The following TLK2 variants were observed in gnomAD, a reference collection of about 807,000 sequenced individuals.
TLK2 encodes tousled like kinase 2.
In TLK2, 6 loss-of-function variants were observed where a neutral mutation model predicts 117.3. The observed-to-expected ratio is 0.05, with a 90% CI of 0.03 to 0.10. The LOEUF (loss-of-function observed/expected upper bound fraction) is 0.10, where lower values mean the gene tolerates loss of function less well. TLK2 is among the 10% of genes least tolerant of loss of function. The pLI is 1.00. For synonymous variants in TLK2, 257 were observed against 316.7 expected (o/e 0.81, Z 2.00); for missense variants, 299 against 901.2 (o/e 0.33, Z 8.56).
At chr17:62,533,728 C>T (rs963307937) in intron 6 of TLK2, among the ~76,000 whole-genome samples, 2 of 152,168 alleles carry the variant, frequency 1.3e-5, no homozygotes, top group East Asian at 1.9e-4. Context: ...TTGCCCATCG[C>T]GGCCTCCCAA....
intron 15 of TLK2, among the ~76,000 whole-genome samples, chr17:62,582,001 A>T (rs1227061565): frequency 6.6e-6 from 1 of 151,876 alleles, no homozygotes; most frequent in Non-Finnish European, 1.5e-5. Flanking sequence ...TAATCCCAGC[A>T]CTCTGGGAGC....
intron 2 of TLK2, among the ~76,000 whole-genome samples, chr17:62,483,224 G>A (rs1372663603): frequency 1.4e-5 from 2 of 143,840 alleles, no homozygotes; most frequent in African/African-American, 2.7e-5. Flanking sequence ...CAGTAAGTTT[G>A]TATTCAAATT....
At chr17:62,517,745 C>T (rs1175360713) in intron 2 of TLK2, among the ~76,000 whole-genome samples, 1 of 151,044 alleles carries the variant, frequency 6.6e-6, no homozygotes, top group Admixed American at 6.6e-5. Context: ...TTGCCCAGGC[C>T]GGAATACAGT....
At chr17:62,612,271 TA>T in intron 21 of TLK2, 120 bp from the exon 22 acceptor site, 1 of 1,099,652 alleles carries the variant, frequency 9.1e-7, no homozygotes. Flanking sequence ...AGGAAGGCCT[TA>T]AGCCCCTTCT....
At chr17:62,478,095 G>A (rs1451830269), upstream of TLK2, 4 of 151,952 alleles carry the variant, frequency 2.6e-5, no homozygotes, top group African/African-American at 7.2e-5. Context: ...CGTGGAGGGA[G>A]TGCAGCCCGC....
At chr17:62,584,209 C>T (rs979553159) in intron 15 of TLK2, among the ~76,000 whole-genome samples, 20 of 146,032 alleles carry the variant, frequency 1.4e-4, no homozygotes, top group Non-Finnish European at 2.8e-4. Flanking sequence ...CTCTGCCTCC[C>T]GGGTTCACGC....
At chr17:62,549,419 A>AAAAATAAAAGT in intron 7 of TLK2, among the ~76,000 whole-genome samples, 1 of 7,760 alleles carries the variant, frequency 1.3e-4, no homozygotes, top group African/African-American at 2.1e-4. Context: ...AAAAAAAAAA[A>AAAAATAAAAGT]AAAAAAAAAA....
chr17:62,476,981 T>C (rs1026728137), upstream of TLK2, among the ~76,000 whole-genome samples: 3 of 151,486 alleles, frequency 2.0e-5, no homozygotes, highest in Admixed American at 6.6e-5. Context: ...TCCCGGCTAC[T>C]CAGGAGGCTG....
At chr17:62,485,975 C>A (rs1354666029) in intron 2 of TLK2, among the ~76,000 whole-genome samples, 4 of 151,908 alleles carry the variant, frequency 2.6e-5, no homozygotes, top group African/African-American at 9.7e-5. Context: ...TGCCTGCCAC[C>A]ACGCACAGCT....
chr17:62,491,511 GC>G (rs2073110130), intron 2 of TLK2, among the ~76,000 whole-genome samples: 1 of 152,030 alleles, frequency 6.6e-6, no homozygotes, highest in Non-Finnish European at 1.5e-5. Flanking sequence ...CTTGATCCTG[GC>G]TACTACTAGA....
At chr17:62,563,509 G>A (rs1424613424) in intron 10 of TLK2, among the ~76,000 whole-genome samples, 2 of 152,122 alleles carry the variant, frequency 1.3e-5, no homozygotes, top group Non-Finnish European at 2.9e-5. Context: ...ATTGGAGAAA[G>A]CTATAAAGAA....
At position 62,588,082 on chromosome 17, in the gene TLK2, A is replaced by C. The variant is rs1057343930; in HGVS notation, c.1460+1856A>C. On this transcript the variant is annotated intron_variant, in intron 16 of 21. Transcript: ENST00000346027. Reference sequence around the variant, plus strand: ...TACGTATACATCTGTATATGTATAAAATATACGTATACATCTGTATATGTA... The same window carrying C: ...TACGTATACATCTGTATATGTATAACATATACGTATACATCTGTATATGTA... Among the ~76,000 whole-genome samples, 20 of 143,180 alleles carry C rather than the reference A, an allele frequency of 1.4e-4. No homozygotes were observed. The East Asian group carries it at 4.0e-3, about 29-fold the overall frequency. 93.9% of individuals were successfully genotyped at this position (143,180 alleles called of 152,430 possible). A position where few individuals can be genotyped will look rare whatever the true frequency, so the allele number is the denominator to read the frequency against.
intron 2 of TLK2, among the ~76,000 whole-genome samples, chr17:62,502,410 A>T (rs917424798): frequency 2.0e-5 from 3 of 152,200 alleles, no homozygotes; most frequent in Non-Finnish European, 2.9e-5. Flanking sequence ...GATAAAAGGC[A>T]TTTATGAAAA....
At chr17:62,527,987 C>T (rs1206427082) in intron 6 of TLK2, among the ~76,000 whole-genome samples, 5 of 152,132 alleles carry the variant, frequency 3.3e-5, no homozygotes, top group Non-Finnish European at 2.9e-5. Flanking sequence ...GTGATCCGCC[C>T]GCCTCGGCCT....
chr17:62,533,427 A>G (rs1306045846), intron 6 of TLK2, among the ~76,000 whole-genome samples: 8 of 118,862 alleles, frequency 6.7e-5, no homozygotes, highest in African/African-American at 2.6e-4. Context: ...TTTTTTTGAG[A>G]CAGGGTCTTG....
chr17:62,547,265 T>G (rs113508903), intron 7 of TLK2, among the ~76,000 whole-genome samples: 3,432 of 152,256 alleles, frequency 0.023, 95 homozygotes, highest in Admixed American at 0.087. Context: ...CCTTTTGTGC[T>G]GTTGGGGTTG....
rs1261816438 is a variant in TLK2 at position 62,481,170 on chromosome 17, A to G, written c.45A>G (p.Leu15=). 2 of 1,613,786 alleles carry G rather than the reference A, an allele frequency of 1.2e-6. No individual in the cohort carries two copies. The highest frequency in any genetic ancestry group is 1.7e-6 in the Non-Finnish European group (2 of 1,179,836). Residue 15 remains leucine (L), a synonymous_variant, in exon 2 of 22, where the codon TTA becomes TTG. Coordinates refer to ENST00000346027, the MANE Select transcript of TLK2 (RefSeq NM_006852.6). ...LHSLDPRRQE[L]LEARFTGVGV... is the part of the protein sequence containing the mutation. ...GCCTGGACCCACGACGGCAGGAATT[A>G]TTGGAGGCCAGGTTTACTGGAGTAG...
chr17:62,533,571 C>T lies in TLK2; in HGVS notation c.364-2599C>T, dbSNP rs137917137. On this transcript the variant is annotated intron_variant, in intron 6 of 21. Transcript: ENST00000346027. ...GGTTCACTGCAGCCTCTGCCTCCCG[C>T]GTTCAAGTGATTCTCATGCCTCAGC... Among the ~76,000 whole-genome samples, 400 of 151,266 alleles carry T rather than the reference C, an allele frequency of 2.6e-3. 7 individuals carry two copies. The East Asian group carries it at 0.051, about 19-fold the overall frequency.
At chr17:62,533,252 T>G (rs1323323613) in intron 6 of TLK2, among the ~76,000 whole-genome samples, 2 of 151,968 alleles carry the variant, frequency 1.3e-5, no homozygotes, top group African/African-American at 4.8e-5. Context: ...TATGTTGACT[T>G]TTACCATTCA....
Sources: gnomAD v4.1 joint callset for allele counts (sites outside exome capture counted in the v4.1 genomes callset) on GRCh38, gnomAD v4.1.1 for gene constraint, MANE v1.5 for transcripts, NCBI Gene and HGNC (gene_info 2026-07-23, HGNC 2026-07-21) for gene names.